USH2A: variants seen among roughly 807,000 people sequenced by gnomAD.
USH2A encodes Usher syndrome 2A (autosomal recessive, mild).
In USH2A, 443 loss-of-function variants were observed where a neutral mutation model predicts 538.9. The ratio of observed to expected loss-of-function variants is 0.82; its 90% CI spans 0.76 to 0.89. The LOEUF (loss-of-function observed/expected upper bound fraction) is 0.89. USH2A is among the 40% of genes least tolerant of loss of function. The pLI is 0.00. For missense variants in USH2A, 6,633 were observed against 6,324.8 expected (o/e 1.05, Z -1.65); for synonymous variants, 2,413 against 2,273.5 (o/e 1.06, Z -1.75).
chr1:216,174,460 A>T, intron 21 of USH2A: 1 of 985,374 alleles, frequency 1.0e-6, no homozygotes, highest in Non-Finnish European at 1.2e-6. Flanking sequence ...GGCCAGGAGG[A>T]GGGTAAGGCC....
At chr1:215,836,780 T>A (rs1558120549) in intron 47 of USH2A, among the ~76,000 whole-genome samples, 1 of 149,694 alleles carries the variant, frequency 6.7e-6, no homozygotes, top group Non-Finnish European at 1.5e-5. Flanking sequence ...ATGGTCTCGA[T>A]CTCCTGAGCT....
At chr1:216,176,889 A>C (rs1359891393) in intron 20 of USH2A, among the ~76,000 whole-genome samples, 1 of 152,190 alleles carries the variant, frequency 6.6e-6, no homozygotes, top group African/African-American at 2.4e-5. Flanking sequence ...ATTTAATGCT[A>C]AATAATATTC....
intron 47 of USH2A, among the ~76,000 whole-genome samples, chr1:215,818,237 T>A (rs1176150551): frequency 2.6e-5 from 4 of 151,894 alleles, no homozygotes; most frequent in Non-Finnish European, 4.4e-5. Flanking sequence ...TCCTAACCCT[T>A]GCATTGTTCA....
intron 30 of USH2A, among the ~76,000 whole-genome samples, chr1:216,056,041 G>T (rs965523198): frequency 6.6e-6 from 1 of 152,122 alleles, no homozygotes. Flanking sequence ...CAGTCTTAGA[G>T]GACGGTTTAA....
At chr1:215,663,418 C>T (rs1238837760) in intron 64 of USH2A, among the ~76,000 whole-genome samples, 4 of 152,170 alleles carry the variant, frequency 2.6e-5, no homozygotes, top group African/African-American at 9.7e-5. Flanking sequence ...CTTAACTCAG[C>T]TTCTTCATTT....
intron 21 of USH2A, among the ~76,000 whole-genome samples, chr1:216,099,843 C>G (rs2032535201): frequency 6.6e-6 from 1 of 152,042 alleles, no homozygotes; most frequent in African/African-American, 2.4e-5. Context: ...GCATACTGAA[C>G]TTATGATGCA....
At chr1:216,322,079 T>G in intron 8 of USH2A, 103 bp from the exon 9 acceptor site, 2 of 1,069,864 alleles carry the variant, frequency 1.9e-6, no homozygotes. Context: ...ACAGGGAAGA[T>G]TTTTGTATAT....
chr1:216,117,919 T>C (rs1416973816), intron 21 of USH2A, among the ~76,000 whole-genome samples: 1 of 151,770 alleles, frequency 6.6e-6, no homozygotes, highest in Non-Finnish European at 1.5e-5. Context: ...TATATATGCA[T>C]GTATTCCTCC....
At chr1:216,071,572 T>C (rs1365178341) in intron 29 of USH2A, among the ~76,000 whole-genome samples, 2 of 152,198 alleles carry the variant, frequency 1.3e-5, no homozygotes, top group African/African-American at 4.8e-5. Context: ...GGTCAGATTG[T>C]AAATATGAAT....
intron 37 of USH2A, among the ~76,000 whole-genome samples, chr1:215,958,747 A>T (rs554526219): frequency 1.1e-3 from 169 of 152,134 alleles, no homozygotes; most frequent in African/African-American, 3.6e-3. Flanking sequence ...CAAATCTCCC[A>T]TGCCTCAGTC....
At chr1:216,240,060 T>C (rs1250380086) in intron 13 of USH2A, among the ~76,000 whole-genome samples, 1 of 146,700 alleles carries the variant, frequency 6.8e-6, no homozygotes, top group Non-Finnish European at 1.5e-5. Context: ...TGACAATCAA[T>C]TATAGATACC....
At chr1:215,843,829 C>T (rs1663761896) in intron 46 of USH2A, among the ~76,000 whole-genome samples, 1 of 152,108 alleles carries the variant, frequency 6.6e-6, no homozygotes, top group South Asian at 2.1e-4. Flanking sequence ...TGTTTTAAGA[C>T]ATCTAGTCCA....
At chr1:215,628,058 AC>A (rs1656123881) in intron 71 of USH2A, among the ~76,000 whole-genome samples, 1 of 151,934 alleles carries the variant, frequency 6.6e-6, no homozygotes, top group African/African-American at 2.4e-5. Flanking sequence ...AAATAGTAAC[AC>A]CCTCATTTGT....
At position 216,072,323 on chromosome 1, in the gene USH2A, T is replaced by C. The variant is rs182436982; in HGVS notation, c.5857+566A>G. 16 of 170,098 alleles carry C rather than the reference T, an allele frequency of 9.4e-5. No homozygotes were observed. In the East Asian group the frequency reaches 2.5e-3, roughly 27 times the overall value. 10.5% of individuals were successfully genotyped at this position (170,098 alleles called of 1,614,324 possible). A position where few individuals can be genotyped will look rare whatever the true frequency, so the allele number is the denominator to read the frequency against. On this transcript the variant is annotated intron_variant, in intron 29 of 71. Coordinates refer to ENST00000307340, the MANE Select transcript of USH2A (RefSeq NM_206933.4). Reference sequence around the variant, plus strand: ...CTGAGATTAGGTCTAATGTATACTGTCTCCTAGTTGGTTCTTTTCCAATTC... The same window carrying C: ...CTGAGATTAGGTCTAATGTATACTGCCTCCTAGTTGGTTCTTTTCCAATTC...
chr1:216,245,322 G>C (rs1041141072), intron 13 of USH2A, among the ~76,000 whole-genome samples: 1 of 152,238 alleles, frequency 6.6e-6, no homozygotes, highest in East Asian at 1.9e-4. Context: ...ACAAAACTGA[G>C]TCAATTCGAA....
chr1:215,965,043 A>C (rs1238772343), intron 37 of USH2A, among the ~76,000 whole-genome samples: 2 of 152,120 alleles, frequency 1.3e-5, no homozygotes. Flanking sequence ...AGACTGTTAG[A>C]CCTTAGCCTC....
chr1:216,370,792 T>C (rs895328468), intron 3 of USH2A, among the ~76,000 whole-genome samples: 3 of 152,042 alleles, frequency 2.0e-5, no homozygotes, highest in Non-Finnish European at 4.4e-5. Context: ...AGTTAGGGTT[T>C]TGAAGTAACA....
Position 216,139,523 on chromosome 1 carries a change from TTGA to T in USH2A, c.4627+35726_4627+35728del. Among the ~76,000 whole-genome samples the T allele has an allele frequency of 1.3e-5, 2 of 152,316 alleles. 1 individual carries two copies. ...CTTACAGATTGACTGCTCAATATGC[TTGA>T]TGATAACACTAATAACAATCAGTGT... On this transcript the variant is annotated intron_variant, in intron 21 of 71. Coordinates refer to ENST00000307340, the MANE Select transcript of USH2A (RefSeq NM_206933.4).
chr1:216,099,379 C>T (rs374808397), intron 21 of USH2A, among the ~76,000 whole-genome samples: 23 of 152,114 alleles, frequency 1.5e-4, no homozygotes, highest in African/African-American at 5.3e-4. Flanking sequence ...CACACTTGGA[C>T]TCCTGCTACT....
Sources: allele counts gnomAD v4.1 joint callset (sites outside exome capture counted in the v4.1 genomes callset), GRCh38; gene constraint gnomAD v4.1.1; transcripts MANE v1.5; gene names NCBI Gene and HGNC (gene_info 2026-07-23, HGNC 2026-07-21).